The following PLCB4 variants were observed in gnomAD, a reference collection of about 807,000 sequenced individuals.
The protein encoded by PLCB4 is 1-phosphatidylinositol 4,5-bisphosphate phosphodiesterase beta-4.
In PLCB4, 77 loss-of-function variants were observed where a neutral mutation model predicts 178.8. The observed-to-expected ratio is 0.43, with a 90% CI of 0.36 to 0.52. The LOEUF is 0.52. PLCB4 is among the 20% of genes least tolerant of loss of function. The pLI is 0.00. For missense variants in PLCB4, 1,024 were observed against 1,453.4 expected (o/e 0.70, Z 4.80); for synonymous variants, 496 against 490.8 (o/e 1.01, Z -0.14).
chr20:9,203,040 TAAA>T (rs58109957), intron 2 of PLCB4, among the ~76,000 whole-genome samples: 7 of 111,516 alleles, frequency 6.3e-5, no homozygotes, highest in African/African-American at 1.8e-4. Context: ...TTGTCTTTGG[TAAA>T]AAAAAAAAAA....
chr20:9,360,905 A>G (rs1415450223), intron 7 of PLCB4, among the ~76,000 whole-genome samples: 1 of 152,252 alleles, frequency 6.6e-6, no homozygotes. Flanking sequence ...AGGTGTGACC[A>G]GGATCAGCAA....
chr20:9,442,610 A>T (rs1243286196), intron 30 of PLCB4, among the ~76,000 whole-genome samples: 1 of 152,178 alleles, frequency 6.6e-6, no homozygotes, highest in African/African-American at 2.4e-5. Context: ...AGGACCTTGC[A>T]TACTCCCCAA....
chr20:9,422,691 C>A (rs1043204337), intron 27 of PLCB4, among the ~76,000 whole-genome samples: 2 of 152,174 alleles, frequency 1.3e-5, no homozygotes, highest in Non-Finnish European at 2.9e-5. Context: ...GAAGTTAAAT[C>A]GTTTTTTTCA....
intron 2 of PLCB4, among the ~76,000 whole-genome samples, chr20:9,190,112 A>G (rs890145696): frequency 1.3e-5 from 2 of 152,138 alleles, no homozygotes; most frequent in African/African-American, 4.8e-5. Context: ...CATTTTAAGG[A>G]AAGTCCTCTG....
intron 4 of PLCB4, among the ~76,000 whole-genome samples, chr20:9,324,270 A>T (rs539953385): frequency 7.9e-5 from 12 of 152,000 alleles, no homozygotes; most frequent in Non-Finnish European, 1.3e-4. Flanking sequence ...TACTAAAAAT[A>T]CAAAAATTAG....
At chr20:9,097,279 T>C (rs1358805136) in intron 2 of PLCB4, among the ~76,000 whole-genome samples, 2 of 147,896 alleles carry the variant, frequency 1.4e-5, no homozygotes, top group Admixed American at 1.4e-4. Flanking sequence ...CTTTTTATTC[T>C]GAAATATGGA....
chr20:9,226,649 C>T (rs900219077), intron 3 of PLCB4, among the ~76,000 whole-genome samples: 1 of 152,124 alleles, frequency 6.6e-6, no homozygotes, highest in Non-Finnish European at 1.5e-5. Flanking sequence ...CCTTCCTTTC[C>T]TATAGATGCT....
chr20:9,154,580 T>TG, intron 2 of PLCB4, among the ~76,000 whole-genome samples: 1 of 152,210 alleles, frequency 6.6e-6, no homozygotes, highest in South Asian at 2.1e-4. Context: ...CCCCCTTTCC[T>TG]GGGGGAAACA....
At chr20:9,122,200 A>G (rs913180427) in intron 2 of PLCB4, among the ~76,000 whole-genome samples, 3 of 152,180 alleles carry the variant, frequency 2.0e-5, no homozygotes, top group African/African-American at 7.2e-5. Context: ...ATAACTCTGT[A>G]AATTCAGGAA....
intron 3 of PLCB4, among the ~76,000 whole-genome samples, chr20:9,235,293 G>A (rs1214065431): frequency 6.6e-6 from 1 of 152,160 alleles, no homozygotes. Context: ...TCAAGCAAAT[G>A]CACATAGACA....
chr20:9,320,436 G>A (rs1397538268), intron 4 of PLCB4, among the ~76,000 whole-genome samples: 1 of 152,154 alleles, frequency 6.6e-6, no homozygotes, highest in Non-Finnish European at 1.5e-5. Flanking sequence ...CTTCCTTAGT[G>A]CATCCTGTTT....
In PLCB4 at chr20:9,329,033, C is replaced by A. The variant is rs2031203575; in HGVS notation, c.85-8093C>A. ...ATTTGCAAGTGTGCAAAGAAGCTGG[C>A]CACTCCACCCTAATCTTTTATTATG... On this transcript the variant is annotated intron_variant, in intron 4 of 39. Transcript: ENST00000378473. Among the ~76,000 whole-genome samples, 3 of 152,154 alleles carry A rather than the reference C, an allele frequency of 2.0e-5. No homozygotes were observed. In the South Asian group the frequency reaches 6.2e-4, roughly 32 times the overall value.
chr20:9,315,540 G>A (rs1568573161), intron 4 of PLCB4, among the ~76,000 whole-genome samples: 1 of 152,146 alleles, frequency 6.6e-6, no homozygotes, highest in Non-Finnish European at 1.5e-5. Context: ...GAGACAGGCA[G>A]ACATTGAGGA....
At chr20:9,184,724 G>C (rs1375023342) in intron 2 of PLCB4, among the ~76,000 whole-genome samples, 1 of 151,864 alleles carries the variant, frequency 6.6e-6, no homozygotes, top group African/African-American at 2.4e-5. Context: ...TGAGCTGTCA[G>C]GTGATCTTAT....
chr20:9,290,759 T>C (rs1156602089), intron 3 of PLCB4, among the ~76,000 whole-genome samples: 1 of 152,182 alleles, frequency 6.6e-6, no homozygotes, highest in Non-Finnish European at 1.5e-5. Context: ...TTTTTGGAAA[T>C]GTATTTCAGG....
intron 2 of PLCB4, among the ~76,000 whole-genome samples, chr20:9,153,487 C>T (rs2092726789): frequency 6.6e-6 from 1 of 152,142 alleles, no homozygotes; most frequent in Non-Finnish European, 1.5e-5. Context: ...CTCATTTTCT[C>T]TTGCTGCTGC....
chr20:9,216,219 T>C (rs1294151543), intron 2 of PLCB4, among the ~76,000 whole-genome samples: 10 of 152,060 alleles, frequency 6.6e-5, no homozygotes, highest in Admixed American at 3.9e-4. Context: ...TTTGTTTGTT[T>C]GTTTGTTTGT....
intron 1 of PLCB4, among the ~76,000 whole-genome samples, chr20:9,075,604 G>T (rs544817647): frequency 6.6e-6 from 1 of 152,256 alleles, no homozygotes; most frequent in Non-Finnish European, 1.5e-5. Context: ...AAAGGCCCAA[G>T]TGTGGCTGAC....
chr20:9,172,603 A>G (rs1320408345), intron 2 of PLCB4, among the ~76,000 whole-genome samples: 2 of 149,446 alleles, frequency 1.3e-5, no homozygotes, highest in Non-Finnish European at 3.0e-5. Flanking sequence ...CTTAACACTT[A>G]TTTTGCATTT....
Sources: allele counts gnomAD v4.1 joint callset (sites outside exome capture counted in the v4.1 genomes callset), GRCh38; gene constraint gnomAD v4.1.1; transcripts MANE v1.5; gene names NCBI Gene and HGNC (gene_info 2026-07-23, HGNC 2026-07-21).